The following CCSER1 variants were observed in gnomAD, a reference collection of about 807,000 sequenced individuals.
CCSER1 encodes coiled-coil serine rich protein 1.
CCSER1 carries 41 observed loss-of-function variants against 82.0 expected under a neutral mutation model. The observed-to-expected ratio is 0.50, with a 90% CI of 0.39 to 0.65. The LOEUF is 0.65. Among genes scored for constraint, CCSER1 ranks in the 30% least tolerant of loss-of-function variants. The pLI is 0.00. For synonymous variants in CCSER1, 414 were observed against 383.9 expected, an observed-to-expected ratio of 1.08 and a Z score of -0.92; for missense variants, 1,119 against 1,064.2, an observed-to-expected ratio of 1.05 and a Z score of -0.72.
At chr4:90,275,891 A>G (rs759131661) in intron 1 of CCSER1, among the ~76,000 whole-genome samples, 60 of 152,196 alleles carry the variant, frequency 3.9e-4, no homozygotes, top group Non-Finnish European at 7.9e-4. Flanking sequence ...TGAAATATCA[A>G]TAGACCTTTG....
At chr4:91,207,146 A>T (rs1441561352) in intron 10 of CCSER1, among the ~76,000 whole-genome samples, 2 of 151,882 alleles carry the variant, frequency 1.3e-5, no homozygotes, top group African/African-American at 4.8e-5. Flanking sequence ...ATCATTGGAT[A>T]GAAGAAGGTG....
chr4:91,100,587 C>A (rs550335110), intron 10 of CCSER1, among the ~76,000 whole-genome samples: 7 of 152,224 alleles, frequency 4.6e-5, no homozygotes, highest in Non-Finnish European at 8.8e-5. Flanking sequence ...GCAAAAAATT[C>A]TACTTTGGAA....
At chr4:91,037,962 TATC>T (rs756194583) in intron 9 of CCSER1, among the ~76,000 whole-genome samples, 58 of 152,254 alleles carry the variant, frequency 3.8e-4, no homozygotes, top group South Asian at 1.2e-3. Context: ...TCTGTATACA[TATC>T]ATATTTACAA....
At chr4:90,674,543 T>C (rs1474437850) in intron 6 of CCSER1, among the ~76,000 whole-genome samples, 1 of 151,952 alleles carries the variant, frequency 6.6e-6, no homozygotes, top group African/African-American at 2.4e-5. Context: ...TCCTGCCACT[T>C]AGGTGACTCC....
At chr4:90,260,963 G>T (rs1724226185) in intron 1 of CCSER1, among the ~76,000 whole-genome samples, 1 of 152,082 alleles carries the variant, frequency 6.6e-6, no homozygotes, top group Admixed American at 6.6e-5. Context: ...TGATCTGCTT[G>T]CCTTGGCCTC....
intron 3 of CCSER1, among the ~76,000 whole-genome samples, chr4:90,393,742 G>C (rs1204440688): frequency 6.7e-6 from 1 of 149,740 alleles, no homozygotes; most frequent in Non-Finnish European, 1.5e-5. Flanking sequence ...GGTTGTTTGG[G>C]AACCGACTTT....
rs1737668332 is a variant in CCSER1 at position 90,324,039 on chromosome 4, G to T, written c.1509+10992G>T. Among the ~76,000 whole-genome samples, 6 of 152,078 alleles carry T rather than the reference G, an allele frequency of 3.9e-5. No homozygotes were observed. In the South Asian group the frequency reaches 1.0e-3, roughly 26 times the overall value. Reference sequence around the variant, plus strand: ...GCTGCATAGTATTCCATGGTGTATAGGTGCCACATTTTCTTGATCCAGTCT... The same window carrying T: ...GCTGCATAGTATTCCATGGTGTATATGTGCCACATTTTCTTGATCCAGTCT... On this transcript the variant is annotated intron_variant, in intron 3 of 10. Transcript: ENST00000509176.
At chr4:90,402,008 C>T (rs377559789) in intron 4 of CCSER1, among the ~76,000 whole-genome samples, 39 of 152,314 alleles carry the variant, frequency 2.6e-4, no homozygotes, top group East Asian at 1.7e-3. Flanking sequence ...CTGAAGTGTT[C>T]GTGTCCTCTC....
At chr4:91,116,841 A>AT (rs1561561728) in intron 10 of CCSER1, among the ~76,000 whole-genome samples, 2 of 152,096 alleles carry the variant, frequency 1.3e-5, no homozygotes, top group South Asian at 2.1e-4. Context: ...GGAATTATAT[A>AT]TTTTTTCTTT....
intron 3 of CCSER1, among the ~76,000 whole-genome samples, chr4:90,395,215 C>A (rs979518503): frequency 2.6e-5 from 4 of 152,252 alleles, no homozygotes; most frequent in Middle Eastern, 6.8e-3. Flanking sequence ...AGTGTAATGT[C>A]CTCCATGTTC....
chr4:91,502,463 C>G (rs1409363693), intron 10 of CCSER1, among the ~76,000 whole-genome samples: 1 of 152,062 alleles, frequency 6.6e-6, no homozygotes, highest in African/African-American at 2.4e-5. Flanking sequence ...TCATCAACAA[C>G]AAGAAGCAGC....
intron 5 of CCSER1, among the ~76,000 whole-genome samples, chr4:90,488,282 G>T (rs908301722): frequency 3.9e-5 from 6 of 152,100 alleles, no homozygotes; most frequent in Non-Finnish European, 7.4e-5. Flanking sequence ...CGGCCTCCAT[G>T]GTTCACACCA....
intron 1 of CCSER1, among the ~76,000 whole-genome samples, chr4:90,215,747 T>C (rs1472133322): frequency 6.6e-6 from 1 of 152,192 alleles, no homozygotes; most frequent in Admixed American, 6.6e-5. Context: ...ATGGAAAATG[T>C]ATCTTAGACC....
chr4:91,275,153 G>A (rs1269263167), intron 10 of CCSER1, among the ~76,000 whole-genome samples: 1 of 151,818 alleles, frequency 6.6e-6, no homozygotes, highest in African/African-American at 2.4e-5. Flanking sequence ...TAAGTGCCCA[G>A]TAGGGGATTG....
intron 6 of CCSER1, among the ~76,000 whole-genome samples, chr4:90,645,604 C>A (rs1727430627): frequency 6.6e-6 from 1 of 152,098 alleles, no homozygotes; most frequent in South Asian, 2.1e-4. Flanking sequence ...CTATTCAGGG[C>A]TTTGGAAAGG....
intron 8 of CCSER1, among the ~76,000 whole-genome samples, chr4:90,876,408 T>G (rs1276655968): frequency 6.6e-6 from 1 of 152,126 alleles, no homozygotes; most frequent in African/African-American, 2.4e-5. Flanking sequence ...TCAAATCATG[T>G]GTGCTGGCAA....
chr4:91,419,379 C>T (rs959127565), intron 10 of CCSER1, among the ~76,000 whole-genome samples: 14 of 151,956 alleles, frequency 9.2e-5, no homozygotes, highest in East Asian at 3.9e-4. Flanking sequence ...TTGGTAAAAT[C>T]GTAGATTCAA....
At chr4:91,401,201 T>C (rs1004526894) in intron 10 of CCSER1, among the ~76,000 whole-genome samples, 12 of 150,776 alleles carry the variant, frequency 8.0e-5, no homozygotes, top group African/African-American at 2.7e-4. Flanking sequence ...TAACTAATAA[T>C]ATAAAATATC....
At chr4:91,538,669 G>C (rs1187129713) in intron 10 of CCSER1, among the ~76,000 whole-genome samples, 2 of 45,966 alleles carry the variant, frequency 4.4e-5, no homozygotes, top group African/African-American at 2.6e-4. Context: ...TTAAATATAT[G>C]TGTATATATG....
Sources: gnomAD v4.1 joint callset for allele counts (sites outside exome capture counted in the v4.1 genomes callset) on GRCh38, gnomAD v4.1.1 for gene constraint, MANE v1.5 for transcripts, NCBI Gene and HGNC (gene_info 2026-07-23, HGNC 2026-07-21) for gene names.